Variants in AKAIN1 observed in about 807,000 individuals in gnomAD.
AKAIN1 encodes the protein A-kinase anchor inhibitor 1, also known as A-kinase anchor protein inhibitor 1.
A neutral mutation model predicts 3.7 loss-of-function variants in AKAIN1; 3 were observed. The observed-to-expected ratio is 0.82, with a 90% confidence interval of 0.37 to 2.12. The LOEUF (loss-of-function observed/expected upper bound fraction) is 2.12, where lower values mean the gene tolerates loss of function less well. AKAIN1 is among the 30% of genes most tolerant of loss of function. The probability of loss-of-function intolerance (pLI) is 0.06; values close to 1 mark genes in which losing one functional copy is unlikely to be tolerated. For synonymous variants in AKAIN1, 31 were observed against 30.8 expected (o/e 1.01, Z -0.02); for missense variants, 82 against 82.7 (o/e 0.99, Z 0.03).
At chr18:5,195,395 C>G (rs996437918) in intron 1 of AKAIN1, among the ~76,000 whole-genome samples, 13 of 152,144 alleles carry the variant, frequency 8.5e-5, no homozygotes, top group Admixed American at 6.5e-5. Flanking sequence ...TAGAAAATGC[C>G]TAGTTAACAT....
chr18:5,157,053 A>AT (rs1163632410), intron 1 of AKAIN1, among the ~76,000 whole-genome samples: 3 of 152,218 alleles, frequency 2.0e-5, no homozygotes, highest in Non-Finnish European at 4.4e-5. Context: ...GATAACTAAG[A>AT]TTTTTTACAA....
intron 1 of AKAIN1, among the ~76,000 whole-genome samples, chr18:5,184,746 T>C (rs1022164786): frequency 9.2e-5 from 14 of 152,090 alleles, no homozygotes; most frequent in Admixed American, 3.3e-4. Context: ...AGAACCAATA[T>C]TGTTAAAATG....
intron 1 of AKAIN1, among the ~76,000 whole-genome samples, chr18:5,185,353 A>T (rs1353336710): frequency 6.6e-6 from 1 of 152,226 alleles, no homozygotes; most frequent in Non-Finnish European, 1.5e-5. Flanking sequence ...ACATGACCTA[A>T]TTAAACTAAA....
At chr18:5,150,704 C>G (rs779692834) in intron 1 of AKAIN1, among the ~76,000 whole-genome samples, 8 of 152,168 alleles carry the variant, frequency 5.3e-5, no homozygotes, top group Non-Finnish European at 1.0e-4. Flanking sequence ...CCCCACCACG[C>G]CCCTCAGAAC....
intron 1 of AKAIN1, among the ~76,000 whole-genome samples, chr18:5,187,813 T>C (rs2071296157): frequency 6.6e-6 from 1 of 152,158 alleles, no homozygotes; most frequent in Non-Finnish European, 1.5e-5. Flanking sequence ...CCAAAAGTTT[T>C]AACTTATTCC....
rs146227001 is a variant in AKAIN1, at chr18:5,176,439, C to CAA, written c.16+20597_16+20598dup. On this transcript the variant is annotated intron_variant, in intron 1 of 1. Coordinates refer to ENST00000434239, the MANE Select transcript of AKAIN1 (RefSeq NM_001145194.2). ...TGGGTGACAGAGTGGGACCCTGTCT[C>CAA]AAAAACAAACAAACAAACAAAAAAA... Among the ~76,000 whole-genome samples, 1,118 of 150,748 alleles carry CAA rather than the reference C, an allele frequency of 7.4e-3. 14 individuals carry two copies. Among genetic ancestry groups the CAA allele is most frequent in the African/African-American group, 0.025 (1,000 of 40,786 alleles).
intron 1 of AKAIN1, among the ~76,000 whole-genome samples, chr18:5,192,384 A>ATTTTCTTTCTTTCTTTCTTTCTTT: frequency 1.0e-5 from 1 of 97,830 alleles, no homozygotes; most frequent in African/African-American, 4.6e-5. Flanking sequence ...CACAGAGCTA[A>ATTTTCTTTCTTTCTTTCTTTCTTT]TTTTCTTTCT....
chr18:5,171,114 T>C (rs1239572496), intron 1 of AKAIN1: 2 of 152,146 alleles, frequency 1.3e-5, no homozygotes, highest in African/African-American at 2.4e-5. Context: ...CCACAGCATT[T>C]TGTGGTGGGT....
At position 5,191,170 on chromosome 18, in the gene AKAIN1, G is replaced by A. The variant is rs555847358; in HGVS notation, c.16+5868C>T. 3.9e-5 allele frequency among the ~76,000 whole-genome samples: 6 copies of A among 152,164 alleles called. No homozygotes were observed. The South Asian group carries it at 1.2e-3, about 31-fold the overall frequency. ...ACTCCTATTTAATATTGTACTAGAA[G>A]CACTAGTCTGTACAAAAAGGCGTAA... On this transcript the variant is annotated intron_variant, in intron 1 of 1. Coordinates refer to ENST00000434239, the MANE Select transcript of AKAIN1 (RefSeq NM_001145194.2).
At chr18:5,165,883 C>T (rs562770995) in intron 1 of AKAIN1, among the ~76,000 whole-genome samples, 10 of 152,074 alleles carry the variant, frequency 6.6e-5, no homozygotes, top group African/African-American at 2.4e-4. Context: ...TTGGTGGAAC[C>T]CACACTGGGC....
At chr18:5,166,138 G>A (rs2071166537) in intron 1 of AKAIN1, among the ~76,000 whole-genome samples, 1 of 151,970 alleles carries the variant, frequency 6.6e-6, no homozygotes, top group African/African-American at 2.4e-5. Context: ...ATCTATTAGT[G>A]TGAAGGTCTC....
At chr18:5,192,836 G>A (rs2143040627) in intron 1 of AKAIN1, among the ~76,000 whole-genome samples, 1 of 152,196 alleles carries the variant, frequency 6.6e-6, no homozygotes, top group East Asian at 1.9e-4. Flanking sequence ...GGTAGCACAA[G>A]AGAAAAACTA....
intron 1 of AKAIN1, among the ~76,000 whole-genome samples, chr18:5,157,240 C>T (rs2071113392): frequency 6.6e-6 from 1 of 152,210 alleles, no homozygotes; most frequent in African/African-American, 2.4e-5. Flanking sequence ...CTTCCTGCTG[C>T]AGCTTCCGTC....
In AKAIN1 at chr18:5,143,758, A is replaced by G. The variant is rs1262349105; in HGVS notation, c.*1804T>C. 2.6e-5 allele frequency among the ~76,000 whole-genome samples: 4 copies of G among 152,158 alleles called. No individual in the cohort carries two copies. The highest frequency in any genetic ancestry group is 2.1e-4 in the South Asian group (1 of 4,830). Reference sequence around the variant, plus strand: ...CAATAAGATGTTCCAAAAATTCCCAATTTTTTAGTACAGACACATCAGAGA... The same window carrying G: ...CAATAAGATGTTCCAAAAATTCCCAGTTTTTTAGTACAGACACATCAGAGA... On this transcript the variant is annotated 3_prime_UTR_variant, in exon 2 of 2. Coordinates refer to ENST00000434239, the MANE Select transcript of AKAIN1 (RefSeq NM_001145194.2).
At chr18:5,180,294 T>A (rs2071249865) in intron 1 of AKAIN1, among the ~76,000 whole-genome samples, 1 of 152,196 alleles carries the variant, frequency 6.6e-6, no homozygotes, top group African/African-American at 2.4e-5. Context: ...TCCTCCATAC[T>A]GCCCACCTAT....
intron 1 of AKAIN1, among the ~76,000 whole-genome samples, chr18:5,196,623 A>G (rs990869568): frequency 3.9e-5 from 6 of 152,170 alleles, no homozygotes; most frequent in African/African-American, 1.4e-4. Context: ...TCACTTTGCC[A>G]ATTCTGCGGA....
upstream of AKAIN1, chr18:5,197,371 C>T (rs891405564): frequency 3.2e-6 from 4 of 1,262,776 alleles, no homozygotes; most frequent in Non-Finnish European, 4.0e-6. The surrounding 1 kb of genome is among the most constrained non-coding windows in gnomAD (Gnocchi z 6.9). Context: ...ACTTCCACCG[C>T]TTTCACGCGA....
chr18:5,188,890 C>T (rs1458926325), intron 1 of AKAIN1, among the ~76,000 whole-genome samples: 1 of 152,134 alleles, frequency 6.6e-6, no homozygotes, highest in Non-Finnish European at 1.5e-5. Context: ...ACTTGGGTCT[C>T]CTCTCTCTTT....
Position 5,144,066 on chromosome 18 carries a change from A to C in AKAIN1, c.*1496T>G. 6.6e-6 allele frequency among the ~76,000 whole-genome samples: 1 copy of C among 152,206 alleles called. No homozygotes were observed. The highest frequency in any genetic ancestry group is 1.9e-4 in the East Asian group (1 of 5,194). ...TGCTAAAAGAAATACTTGTGAGTAA[A>C]CAATCTTTAAATTTTAAGCCCTTCT... On this transcript the variant is annotated 3_prime_UTR_variant, in exon 2 of 2. Transcript: ENST00000434239.
Sources: allele counts gnomAD v4.1 joint callset (sites outside exome capture counted in the v4.1 genomes callset), GRCh38; gene constraint gnomAD v4.1.1; non-coding constraint Gnocchi (gnomAD v3.1); transcripts MANE v1.5; gene names NCBI Gene and HGNC (gene_info 2026-07-23, HGNC 2026-07-21).